The following KCNRG variants were observed in gnomAD, a reference collection of about 807,000 sequenced individuals.
KCNRG encodes potassium channel regulatory protein.
Under a neutral mutation model 17.7 loss-of-function variants are expected in KCNRG, and 17 were observed. That is an observed-to-expected ratio of 0.96 (90% confidence interval 0.66 to 1.44). The LOEUF is 1.44. Among genes scored for constraint, KCNRG ranks in the 40% most tolerant of loss-of-function variants. The pLI, the probability that KCNRG is intolerant of heterozygous loss-of-function variation, is 0.00. For missense variants in KCNRG, 311 were observed against 321.1 expected (o/e 0.97, Z 0.24); for synonymous variants, 97 against 116.5 (o/e 0.83, Z 1.08).
chr13:50,017,481 C>T (rs566129746), intron 1 of KCNRG: 23 of 167,180 alleles, frequency 1.4e-4, no homozygotes, highest in African/African-American at 5.3e-4. Context: ...GTTTTAGAAA[C>T]AGCACGAAAG....
intron 1 of KCNRG, 94 bp downstream of exon 1, chr13:50,016,165 G>C: frequency 1.2e-6 from 1 of 844,468 alleles, no homozygotes; most frequent in Non-Finnish European, 1.8e-6. Flanking sequence ...TTCTGGAAAA[G>C]ATGATTATTC....
chr13:50,020,243 A>G lies in KCNRG; in HGVS notation c.608A>G (p.Lys203Arg). The change falls in exon 2 of 2, where the codon AAA (lysine) becomes AGA (arginine). Residue 203 changes from lysine (K) to arginine (R), a missense_variant. Physicochemically the swap from Lys to Arg is conservative, Grantham distance 26. Transcript: ENST00000312942. ...GTTTCTATAAAACCTGATAACCGAA[A>G]ATTGGCCAACGGAACAAATGTCCTC... ...RYVSIKPDNR[K>R]LANGTNVLGL... is the part of the protein sequence containing the mutation. 6.2e-7 allele frequency: 1 copy of G among 1,614,080 alleles called. No homozygotes were observed.
At chr13:50,020,075 A>T (rs944870077) in intron 1 of KCNRG, 139 bp from the exon 2 acceptor site, 1 of 732,210 alleles carries the variant, frequency 1.4e-6, no homozygotes, top group Non-Finnish European at 2.2e-6. Flanking sequence ...TTGGATTTGT[A>T]AAGTAAATGA....
chr13:50,018,579 G>A (rs1876915373), intron 1 of KCNRG: 2 of 153,092 alleles, frequency 1.3e-5, no homozygotes, highest in South Asian at 2.1e-4. Context: ...TTAGAAGAAG[G>A]TTAGGGATGT....
intron 1 of KCNRG, 147 bp downstream of exon 1, chr13:50,016,218 C>T (rs993057219): frequency 6.5e-6 from 4 of 613,394 alleles, no homozygotes; most frequent in Admixed American, 3.1e-5. Context: ...GGTAGAATGA[C>T]CAAATAATTA....
chr13:50,019,582 CAA>C (rs1877018994), intron 1 of KCNRG, among the ~76,000 whole-genome samples: 2 of 152,014 alleles, frequency 1.3e-5, no homozygotes, highest in Non-Finnish European at 2.9e-5. Flanking sequence ...AAATTCAAAA[CAA>C]AATTGGAAAT....
chr13:50,019,779 T>G (rs552211321), intron 1 of KCNRG, among the ~76,000 whole-genome samples: 2 of 152,146 alleles, frequency 1.3e-5, no homozygotes, highest in Non-Finnish European at 2.9e-5. Flanking sequence ...GGCTCATGCA[T>G]GTAATCCCAG....
In KCNRG at chr13:50,015,530, G is replaced by A. The variant is rs1876428730; in HGVS notation, c.37G>A (p.Gly13Arg). The A allele has an allele frequency of 1.2e-6, 2 of 1,613,808 alleles. No homozygotes were observed. Among genetic ancestry groups the A allele is most frequent in the Non-Finnish European group, 1.7e-6 (2 of 1,179,834 alleles). Reference sequence around the variant, plus strand: ...GGAACTGGTCACTTTGAATGTGGGAGGGAAGATATTCACGACAAGGTTTTC... The same window carrying A: ...GGAACTGGTCACTTTGAATGTGGGAAGGAAGATATTCACGACAAGGTTTTC... ...SQELVTLNVG[G>R]KIFTTRFSTI... Residue 13 changes from glycine (G) to arginine (R), a missense_variant, in exon 1 of 2, where the codon GGG (glycine) becomes AGG (arginine). Coordinates refer to ENST00000312942, the MANE Select transcript of KCNRG (RefSeq NM_173605.2).
Position 50,016,046 on chromosome 13 carries a change from A to G in KCNRG, c.553A>G (p.Thr185Ala). 6.2e-7 allele frequency: 1 copy of G among 1,613,896 alleles called. No individual in the cohort carries two copies. Among genetic ancestry groups the G allele is most frequent in the Admixed American group, 1.7e-5 (1 of 60,014 alleles). Reference sequence around the variant, plus strand: ...GGTTTTCCAGTGTGGTTCTGACAGCACTACTGATAACCAAACTGGAGTCAG... The same window carrying G: ...GGTTTTCCAGTGTGGTTCTGACAGCGCTACTGATAACCAAACTGGAGTCAG... ...DLVFQCGSDS[T>A]TDNQTGVRYV... Residue 185 changes from threonine to alanine, a missense_variant, in exon 1 of 2, where the codon ACT becomes GCT. Physicochemically the swap from Thr to Ala is moderately conservative, Grantham distance 58. Transcript: ENST00000312942.
Position 50,020,444 on chromosome 13 carries a change from T to A in KCNRG, c.809T>A (p.Ile270Lys). The change falls in exon 2 of 2, where the codon ATA becomes AAA. Residue 270 changes from isoleucine (I) to lysine (K), a missense_variant. Coordinates refer to ENST00000312942, the MANE Select transcript of KCNRG (RefSeq NM_173605.2). ...ETIIIPEQSQ[I>K]KK ...ATCATCATACCAGAGCAATCTCAGA[T>A]AAAGAAATGAAGTTGTCTATCCTCT... 6.2e-7 allele frequency: 1 copy of A among 1,612,620 alleles called. No individual in the cohort carries two copies. Among genetic ancestry groups the A allele is most frequent in the East Asian group, 2.2e-5 (1 of 44,864 alleles).
intron 1 of KCNRG, among the ~76,000 whole-genome samples, chr13:50,019,582 C>G (rs1263080465): frequency 6.6e-6 from 1 of 151,894 alleles, no homozygotes; most frequent in African/African-American, 2.4e-5. Flanking sequence ...AAATTCAAAA[C>G]AAAATTGGAA....
chr13:50,020,133 T>C lies in KCNRG; in HGVS notation c.579-81T>C, dbSNP rs1877065198. 7.3e-6 allele frequency: 10 copies of C among 1,363,660 alleles called. No homozygotes were observed. The South Asian group carries it at 1.3e-4, about 18-fold the overall frequency. The allele number at this position is 1,363,660 out of a possible 1,614,324, so 84.5% of individuals were successfully genotyped here. On this transcript the variant is annotated intron_variant, in intron 1 of 1. Transcript: ENST00000312942. ...TTGAGAAGGTATGATGCCTTTGAGG[T>C]TGTAAGTCAAATTTATGTGTATAGT...
rs760934892 is a variant in KCNRG at position 50,020,459 on chromosome 13, GTCTATCC to G, written c.*9_*15del. ...CAATCTCAGATAAAGAAATGAAGTT[GTCTATCC>G]TCTTTTAAAGAGAAATTGCCATTTT... is the stretch of plus-strand genomic sequence containing the variant. On this transcript the variant is annotated 3_prime_UTR_variant, in exon 2 of 2. Coordinates refer to ENST00000312942, the MANE Select transcript of KCNRG (RefSeq NM_173605.2). 1 of 1,610,556 alleles carries G rather than the reference GTCTATCC, an allele frequency of 6.2e-7. No homozygotes were observed. The highest frequency in any genetic ancestry group is 1.3e-5 in the African/African-American group (1 of 74,564).
rs748995629 is a variant in KCNRG, at chr13:50,015,918, T to G, written c.425T>G (p.Val142Gly). Reference protein sequence around the residue: ...TIEMLTGRITVFTEQPSAPTW... With the variant: ...TIEMLTGRITGFTEQPSAPTW... Reference sequence around the variant, plus strand: ...GAGATGCTAACAGGGAGGATTACAGTGTTTACAGAACAACCTTCAGCGCCG... The same window carrying G: ...GAGATGCTAACAGGGAGGATTACAGGGTTTACAGAACAACCTTCAGCGCCG... The change falls in exon 1 of 2, where the codon GTG becomes GGG. Residue 142 changes from valine to glycine, a missense_variant. By Grantham distance (109) the Val-to-Gly change is moderately radical. Coordinates refer to ENST00000312942, the MANE Select transcript of KCNRG (RefSeq NM_173605.2). The G allele has an allele frequency of 6.2e-7, 1 of 1,614,100 alleles. No individual in the cohort carries two copies. Among genetic ancestry groups the G allele is most frequent in the Admixed American group, 1.7e-5 (1 of 60,020 alleles).
chr13:50,020,419 A>G lies in KCNRG; in HGVS notation c.784A>G (p.Ile262Val). ...GAATGAAACACCAAAACCAGAGACT[A>G]TCATCATACCAGAGCAATCTCAGAT... The part of the protein sequence containing the change: ...ITNETPKPET[I>V]IIPEQSQIKK The change falls in exon 2 of 2, where the codon ATC (isoleucine) becomes GTC (valine). Residue 262 changes from isoleucine (I) to valine (V), a missense_variant. Ile to Val is a conservative substitution (Grantham distance 29, BLOSUM62 3). Coordinates refer to ENST00000312942, the MANE Select transcript of KCNRG (RefSeq NM_173605.2). The G allele has an allele frequency of 3.1e-6, 5 of 1,614,056 alleles. No homozygotes were observed. The highest frequency in any genetic ancestry group is 4.2e-6 in the Non-Finnish European group (5 of 1,179,876).
intron 1 of KCNRG, chr13:50,017,948 C>G (rs1339506115): frequency 6.0e-6 from 1 of 166,958 alleles, no homozygotes; most frequent in Non-Finnish European, 1.5e-5. Context: ...CAAGGTTAAC[C>G]TAGCAGGTTG....
chr13:50,016,257 GAAAGGGGC>G, intron 1 of KCNRG, 186 bp downstream of exon 1: 2 of 569,136 alleles, frequency 3.5e-6, no homozygotes, highest in Admixed American at 6.5e-5. Context: ...TTTTTAGAGT[GAAAGGGGC>G]TATTATTAGG....
At chr13:50,019,713 C>T (rs1393303964) in intron 1 of KCNRG, among the ~76,000 whole-genome samples, 1 of 152,038 alleles carries the variant, frequency 6.6e-6, no homozygotes, top group African/African-American at 2.4e-5. Context: ...CTTTCAGAAT[C>T]ACAGCAAGGT....
In KCNRG at chr13:50,020,244, A is replaced by T; in HGVS notation, c.609A>T (p.Lys203Asn). Residue 203 changes from lysine (K) to asparagine (N), a missense_variant, in exon 2 of 2, where the codon AAA becomes AAT. Physicochemically the swap from Lys to Asn is moderately conservative, Grantham distance 94. Coordinates refer to ENST00000312942, the MANE Select transcript of KCNRG (RefSeq NM_173605.2). The part of the protein sequence containing the change: ...RYVSIKPDNR[K>N]LANGTNVLGL... ...TTTCTATAAAACCTGATAACCGAAAATTGGCCAACGGAACAAATGTCCTCG... is the reference window on the plus strand; with the variant it reads ...TTTCTATAAAACCTGATAACCGAAATTTGGCCAACGGAACAAATGTCCTCG... The T allele has an allele frequency of 6.2e-7, 1 of 1,614,090 alleles. No homozygotes were observed. The highest frequency in any genetic ancestry group is 8.5e-7 in the Non-Finnish European group (1 of 1,179,978).
Sources: allele counts gnomAD v4.1 joint callset (sites outside exome capture counted in the v4.1 genomes callset), GRCh38; gene constraint gnomAD v4.1.1; transcripts MANE v1.5; gene names NCBI Gene and HGNC (gene_info 2026-07-23, HGNC 2026-07-21).